The following DOP1A variants were observed in gnomAD, a reference collection of about 807,000 sequenced individuals.
The protein encoded by DOP1A is DOP1 leucine zipper like protein A, also known as protein DOP1A.
In DOP1A, 90 loss-of-function variants were observed where a neutral mutation model predicts 267.6. That is an observed-to-expected ratio of 0.34 (90% CI 0.28 to 0.40). The LOEUF (loss-of-function observed/expected upper bound fraction) is 0.40, where lower values mean the gene tolerates loss of function less well. Ranked by LOEUF, DOP1A falls within the 10% of genes least tolerant of loss-of-function variation. The pLI is 1.00. For missense variants in DOP1A, 2,437 were observed against 2,900.4 expected (o/e 0.84, Z 3.67); for synonymous variants, 932 against 999.1 (o/e 0.93, Z 1.27).
At position 83,168,347 on chromosome 6, in the gene DOP1A, T is replaced by C. The variant is rs1786353514; in HGVS notation, c.*180T>C. 11 of 1,407,880 alleles carry C rather than the reference T, an allele frequency of 7.8e-6. No homozygotes were observed. The South Asian group carries it at 1.7e-4, about 22-fold the overall frequency. 87.2% of individuals were successfully genotyped at this position (1,407,880 alleles called of 1,614,324 possible). On this transcript the variant is annotated 3_prime_UTR_variant, in exon 39 of 39. Coordinates refer to ENST00000349129, the MANE Select transcript of DOP1A (RefSeq NM_015018.4). ...GAATGTGGCCTGAATCAAGTTTAAA[T>C]ATTGTTGGCTCATACTGATTATGGT...
intron 4 of DOP1A, among the ~76,000 whole-genome samples, chr6:83,103,056 A>G (rs1772881322): frequency 6.6e-6 from 1 of 152,078 alleles, no homozygotes; most frequent in African/African-American, 2.4e-5. Context: ...TTTTATCCCT[A>G]GTATTCTATT....
intron 20 of DOP1A, 107 bp from the exon 21 acceptor site, chr6:83,137,066 A>G: frequency 9.4e-7 from 1 of 1,064,754 alleles, no homozygotes; most frequent in South Asian, 2.7e-5. Flanking sequence ...ATATAAGTAG[A>G]TGATGACACT....
downstream of DOP1A, chr6:83,171,206 G>C (rs1787023788): frequency 6.6e-6 from 1 of 151,800 alleles, no homozygotes; most frequent in Non-Finnish European, 1.5e-5. Context: ...ATTGGGAGGG[G>C]GTATGAAGAA....
At chr6:83,083,420 TAA>T (rs560759261) in intron 1 of DOP1A, among the ~76,000 whole-genome samples, 39 of 139,296 alleles carry the variant, frequency 2.8e-4, no homozygotes, top group Admixed American at 5.8e-4. Context: ...ACTTGTGGTT[TAA>T]AAAAAAAAAA....
Position 83,135,717 on chromosome 6 carries a change from T to C in DOP1A, c.2969T>C (p.Ile990Thr). 6.2e-7 allele frequency: 1 copy of C among 1,613,678 alleles called. No homozygotes were observed. The highest frequency in any genetic ancestry group is 2.2e-5 in the East Asian group (1 of 44,854). Residue 990 changes from isoleucine to threonine, a missense_variant, in exon 20 of 39, where the codon ATT becomes ACT. Transcript: ENST00000349129. The stretch of plus-strand genomic sequence containing the variant: ...AACCAAGTCCTACAAAGACATGATA[T>C]TGCACGAGTTTTGGAACCATTGCTA... ...WLNQVLQRHD[I>T]ARVLEPLLLL...
intron 38 of DOP1A, 123 bp from the exon 39 acceptor site, chr6:83,167,739 T>TA (rs1786134319): frequency 7.6e-6 from 11 of 1,447,408 alleles, no homozygotes; most frequent in Non-Finnish European, 1.0e-5. Context: ...GGTCAGGAGT[T>TA]AGAAACTTAA....
intron 17 of DOP1A, among the ~76,000 whole-genome samples, chr6:83,131,746 G>A (rs746881976): frequency 2.0e-5 from 3 of 151,612 alleles, no homozygotes; most frequent in Non-Finnish European, 2.9e-5. Flanking sequence ...AGCAATTCTC[G>A]TGTCTCAGCC....
intron 24 of DOP1A, among the ~76,000 whole-genome samples, chr6:83,144,416 A>G (rs965111713): frequency 2.0e-5 from 3 of 152,198 alleles, no homozygotes; most frequent in Non-Finnish European, 4.4e-5. Context: ...AAGTATTTGA[A>G]TATGTAATTA....
chr6:83,159,698 A>T, intron 36 of DOP1A, 98 bp from the exon 37 acceptor site: 1 of 1,337,804 alleles, frequency 7.5e-7, no homozygotes, highest in African/African-American at 1.4e-5. Context: ...TTATCTCAGG[A>T]TGATTATGAA....
intron 1 of DOP1A, among the ~76,000 whole-genome samples, chr6:83,093,831 A>T (rs1486722582): frequency 6.6e-6 from 1 of 152,220 alleles, no homozygotes; most frequent in Non-Finnish European, 1.5e-5. Flanking sequence ...GCTTGAGCCC[A>T]GGAGGCGGAG....
At chr6:83,086,537 AG>A (rs751197188) in intron 1 of DOP1A, among the ~76,000 whole-genome samples, 16 of 152,200 alleles carry the variant, frequency 1.1e-4, no homozygotes, top group Non-Finnish European at 1.5e-4. Flanking sequence ...GCTGTACCTC[AG>A]CATTTAAAAT....
At chr6:83,151,828 C>G in intron 28 of DOP1A, 55 bp from the exon 29 acceptor site, 2 of 1,532,628 alleles carry the variant, frequency 1.3e-6, no homozygotes, top group Non-Finnish European at 1.8e-6. Flanking sequence ...TACAGAAGTT[C>G]ATAACTAGTG....
At position 83,125,183 on chromosome 6, in the gene DOP1A, G is replaced by C. The variant is rs1324672852; in HGVS notation, c.1473G>C (p.Arg491Ser). The C allele has an allele frequency of 6.3e-7, 1 of 1,581,838 alleles. No homozygotes were observed. The highest frequency in any genetic ancestry group is 1.4e-5 in the African/African-American group (1 of 72,934). Reference protein sequence around the residue: ...DIVSLPTRSMRVLCQETYIEI... With the variant: ...DIVSLPTRSMSVLCQETYIEI... The stretch of plus-strand genomic sequence containing the variant: ...TTTTGAAGCCTACTAGAAGTATGAG[G>C]GTGCTGTGTCAGGTATGACATTCAG... Residue 491 changes from arginine (R) to serine (S), a missense_variant, in exon 14 of 39, where the codon AGG (arginine) becomes AGC (serine). By Grantham distance (110) the Arg-to-Ser change is moderately radical. Coordinates refer to ENST00000349129, the MANE Select transcript of DOP1A (RefSeq NM_015018.4).
chr6:83,152,312 C>T lies in DOP1A; in HGVS notation c.6074C>T (p.Thr2025Ile). The T allele has an allele frequency of 3.2e-6, 5 of 1,573,414 alleles. No homozygotes were observed. Among genetic ancestry groups the T allele is most frequent in the Non-Finnish European group, 4.3e-6 (5 of 1,161,834 alleles). The change falls in exon 30 of 39, where the codon ACC becomes ATC. Residue 2025 changes from threonine (T) to isoleucine (I), a missense_variant. Transcript: ENST00000349129. ...GATATGTTATCACCTGCAATGGAAA[C>T]CGCAAACATAACTCCTTCTGTATAT... Reference protein sequence around the residue: ...VEDMLSPAMETANITPSVYSV... With the variant: ...VEDMLSPAMEIANITPSVYSV...
Position 83,100,859 on chromosome 6 carries a change from G to A in DOP1A, c.293G>A (p.Arg98Gln), listed in dbSNP as rs748571753. 4.3e-5 allele frequency: 67 copies of A among 1,553,162 alleles called. No individual in the cohort carries two copies. Among genetic ancestry groups the A allele is most frequent in the Middle Eastern group, 1.7e-4 (1 of 5,838 alleles). Residue 98 changes from arginine to glutamine, a missense_variant, in exon 4 of 39, where the codon CGA becomes CAA. Transcript: ENST00000349129. Reference sequence around the variant, plus strand: ...ATCTTCAAAATAATTGGACCTAAGCGACTTGCCAAAGATCTTTTTTTATAT... The same window carrying A: ...ATCTTCAAAATAATTGGACCTAAGCAACTTGCCAAAGATCTTTTTTTATAT... ...EIIFKIIGPK[R>Q]LAKDLFLYSS...
rs1779134150 is a variant in DOP1A at position 83,138,235 on chromosome 6, C to T, written c.4193C>T (p.Ala1398Val). The T allele has an allele frequency of 6.2e-7, 1 of 1,613,370 alleles. No individual in the cohort carries two copies. The highest frequency in any genetic ancestry group is 8.5e-7 in the Non-Finnish European group (1 of 1,179,904). ...IKAILKTNPI[A>V]FVNAISTTSV... ...GCCATCTTGAAAACTAACCCTATAG[C>T]TTTTGTAAATGCCATTTCAACTACT... The change falls in exon 21 of 39, where the codon GCT becomes GTT. Residue 1398 changes from alanine to valine, a missense_variant. By Grantham distance (64) the Ala-to-Val change is moderately conservative. Coordinates refer to ENST00000349129, the MANE Select transcript of DOP1A (RefSeq NM_015018.4).
intron 4 of DOP1A, among the ~76,000 whole-genome samples, chr6:83,104,444 C>G (rs1212720748): frequency 6.6e-6 from 1 of 152,108 alleles, no homozygotes; most frequent in African/African-American, 2.4e-5. Context: ...ATTTAGAATC[C>G]TTTTTTTCCA....
In DOP1A at chr6:83,138,650, C is replaced by G; in HGVS notation, c.4608C>G (p.Ile1536Met). The G allele has an allele frequency of 6.2e-7, 1 of 1,613,918 alleles. No individual in the cohort carries two copies. Among genetic ancestry groups the G allele is most frequent in the African/African-American group, 1.3e-5 (1 of 75,026 alleles). The change falls in exon 21 of 39, where the codon ATC becomes ATG. Residue 1536 changes from isoleucine to methionine, a missense_variant. Physicochemically the swap from Ile to Met is conservative, Grantham distance 10. This residue lies in a region of DOP1A where 878 missense variants were observed against 992.9 expected (regional missense o/e 0.88). Transcript: ENST00000349129. ...KVILHCLLSSIFSAQKWHSEK... is the reference protein window; with the variant it reads ...KVILHCLLSSMFSAQKWHSEK... ...TTCTTCATTGTTTGCTGTCATCTAT[C>G]TTTAGTGCTCAGAAATGGCATAGTG...
intron 7 of DOP1A, among the ~76,000 whole-genome samples, chr6:83,115,671 C>CAAGT (rs1246376145): frequency 1.3e-5 from 2 of 152,076 alleles, no homozygotes; most frequent in Non-Finnish European, 1.5e-5. Flanking sequence ...TTGCAGTGAG[C>CAAGT]AAGTGATCGT....
Sources: allele counts gnomAD v4.1 joint callset (sites outside exome capture counted in the v4.1 genomes callset), GRCh38; gene constraint gnomAD v4.1.1; regional missense constraint gnomAD v4.1.1; transcripts MANE v1.5; gene names NCBI Gene and HGNC (gene_info 2026-07-23, HGNC 2026-07-21).